MBNL1: variants seen among roughly 807,000 people sequenced by gnomAD.
MBNL1 encodes muscleblind-like protein 1.
Under a neutral mutation model 42.2 loss-of-function variants are expected in MBNL1, and 8 were observed. That is an observed-to-expected ratio of 0.19 (90% CI 0.11 to 0.34). The LOEUF (loss-of-function observed/expected upper bound fraction) is 0.34. Among genes scored for constraint, MBNL1 ranks in the 10% least tolerant of loss-of-function variants. MBNL1 has a pLI of 1.00. For missense variants in MBNL1, 309 were observed against 495.3 expected, an observed-to-expected ratio of 0.62 and a Z score of 3.57; for synonymous variants, 169 against 173.9, an observed-to-expected ratio of 0.97 and a Z score of 0.22.
At chr3:152,271,403 A>G (rs1370215417) in intron 1 of MBNL1, among the ~76,000 whole-genome samples, 1 of 152,240 alleles carries the variant, frequency 6.6e-6, no homozygotes, top group East Asian at 1.9e-4. Flanking sequence ...ATTATATAAA[A>G]TGCCTTATCT....
chr3:152,398,056 CT>C (rs1342970198), intron 2 of MBNL1, among the ~76,000 whole-genome samples: 4 of 152,088 alleles, frequency 2.6e-5, no homozygotes, highest in African/African-American at 9.7e-5. Context: ...AGTTGCCCAA[CT>C]ACAGTACAAA....
intron 2 of MBNL1, among the ~76,000 whole-genome samples, chr3:152,382,143 A>G (rs1360486667): frequency 1.3e-5 from 2 of 152,090 alleles, no homozygotes; most frequent in African/African-American, 4.8e-5. Flanking sequence ...AGTATGAAAT[A>G]GTTTTCCTTT....
At chr3:152,260,720 G>A (rs956509740) in intron 2 of MBNL1, among the ~76,000 whole-genome samples, 14 of 152,284 alleles carry the variant, frequency 9.2e-5, no homozygotes, top group Admixed American at 3.9e-4. Flanking sequence ...GAATATGTAG[G>A]ATTCTCCTTT....
intron 2 of MBNL1, chr3:152,302,087 C>T (rs1354168950): frequency 6.6e-6 from 1 of 151,800 alleles, no homozygotes; most frequent in Non-Finnish European, 1.5e-5. Context: ...TTGCTGCTCA[C>T]TTATGGCCAC....
At chr3:152,257,080 A>G (rs1244252642) in intron 2 of MBNL1, among the ~76,000 whole-genome samples, 1 of 152,176 alleles carries the variant, frequency 6.6e-6, no homozygotes, top group South Asian at 2.1e-4. Context: ...CTTATCATGT[A>G]TATATGTGGG....
rs1262479626 is a variant in MBNL1, at chr3:152,465,778, G to C, written c.*3412G>C. On this transcript the variant is annotated 3_prime_UTR_variant, in exon 10 of 10. Transcript: ENST00000324210. The stretch of plus-strand genomic sequence containing the variant: ...CCCTAATAAAACTTCTCTTTCTTAA[G>C]TATATTCGTGTATCTGAGATTGAAT... 6.6e-6 allele frequency: 1 copy of C among 152,212 alleles called. No individual in the cohort carries two copies. The highest frequency in any genetic ancestry group is 1.9e-4 in the East Asian group (1 of 5,200). 9.4% of individuals were successfully genotyped at this position (152,212 alleles called of 1,614,324 possible). A position where few individuals can be genotyped will look rare whatever the true frequency, so the allele number is the denominator to read the frequency against.
intron 5 of MBNL1, among the ~76,000 whole-genome samples, chr3:152,446,108 A>G (rs1162462579): frequency 6.6e-6 from 1 of 152,200 alleles, no homozygotes; most frequent in African/African-American, 2.4e-5. Flanking sequence ...GCCATTATAT[A>G]GACAGGAGAG....
chr3:152,267,872 T>C (rs1208451695), upstream of MBNL1: 1 of 152,218 alleles, frequency 6.6e-6, no homozygotes, highest in Admixed American at 6.5e-5. Context: ...TGTTGTACCA[T>C]ATCCAGCATT....
intron 2 of MBNL1, among the ~76,000 whole-genome samples, chr3:152,408,441 T>G (rs1173940654): frequency 6.6e-6 from 1 of 152,102 alleles, no homozygotes; most frequent in East Asian, 1.9e-4. Context: ...AAATAAAACA[T>G]GAAATATAAA....
At chr3:152,350,304 G>A (rs1057148360) in intron 2 of MBNL1, among the ~76,000 whole-genome samples, 13 of 152,282 alleles carry the variant, frequency 8.5e-5, no homozygotes, top group African/African-American at 3.1e-4. Flanking sequence ...ATCTTTGAAA[G>A]CAGATGAGTA....
chr3:152,296,316 A>G (rs1577322325), intron 1 of MBNL1, among the ~76,000 whole-genome samples: 2 of 152,288 alleles, frequency 1.3e-5, no homozygotes, highest in East Asian at 3.9e-4. Context: ...GGAGGCAGAA[A>G]AAGAACTAGA....
chr3:152,458,694 T>G (rs1738765149), intron 8 of MBNL1: 2 of 155,986 alleles, frequency 1.3e-5, no homozygotes, highest in Admixed American at 1.2e-4. Context: ...TCTCTCAAGT[T>G]CTCTAATTCT....
intron 2 of MBNL1, among the ~76,000 whole-genome samples, chr3:152,353,113 G>C (rs1289936757): frequency 6.6e-6 from 1 of 152,174 alleles, no homozygotes; most frequent in South Asian, 2.1e-4. Context: ...AAAAGTCAGA[G>C]TACTCTGTGA....
chr3:152,330,710 A>G (rs11928080), intron 2 of MBNL1, among the ~76,000 whole-genome samples: 10,863 of 152,270 alleles, frequency 0.071, 511 homozygotes, highest in Middle Eastern at 0.17. Flanking sequence ...AGAGAAACCA[A>G]GAGAGAGACC....
chr3:152,342,025 A>G (rs1311054734), intron 2 of MBNL1, among the ~76,000 whole-genome samples: 1 of 152,194 alleles, frequency 6.6e-6, no homozygotes, highest in African/African-American at 2.4e-5. Flanking sequence ...ATTTTTCACA[A>G]AAACACCTTG....
intron 6 of MBNL1, among the ~76,000 whole-genome samples, chr3:152,454,372 G>T (rs1188405272): frequency 6.6e-6 from 1 of 152,172 alleles, no homozygotes; most frequent in African/African-American, 2.4e-5. Flanking sequence ...TCATTTGGCA[G>T]ATATTTTTCT....
intron 2 of MBNL1, among the ~76,000 whole-genome samples, chr3:152,364,139 G>C (rs2096200622): frequency 6.6e-6 from 1 of 151,716 alleles, no homozygotes; most frequent in South Asian, 2.1e-4. Context: ...AGTTCCTTTT[G>C]TCTCTAATTT....
At chr3:152,288,580 A>C (rs1415640367) in intron 1 of MBNL1, among the ~76,000 whole-genome samples, 1 of 152,178 alleles carries the variant, frequency 6.6e-6, no homozygotes. Flanking sequence ...ATAATGTATT[A>C]AAAAAAGCAT....
At chr3:152,328,729 A>G (rs2082118245) in intron 2 of MBNL1, among the ~76,000 whole-genome samples, 1 of 152,168 alleles carries the variant, frequency 6.6e-6, no homozygotes, top group Non-Finnish European at 1.5e-5. Context: ...TTGAAATCTT[A>G]GCCCTTTAAT....
Sources: gnomAD v4.1 joint callset for allele counts (sites outside exome capture counted in the v4.1 genomes callset) on GRCh38, gnomAD v4.1.1 for gene constraint, MANE v1.5 for transcripts, NCBI Gene and HGNC (gene_info 2026-07-23, HGNC 2026-07-21) for gene names.